Variants in TIAM2 observed in about 807,000 individuals in gnomAD.
The protein encoded by TIAM2 is rho guanine nucleotide exchange factor TIAM2.
A neutral mutation model predicts 152.9 loss-of-function variants in TIAM2; 80 were observed. The observed-to-expected ratio is 0.52, with a 90% CI of 0.44 to 0.63. The LOEUF (loss-of-function observed/expected upper bound fraction) is 0.63. Ranked by LOEUF, TIAM2 falls within the 30% of genes least tolerant of loss-of-function variation. The pLI, the probability that TIAM2 is intolerant of heterozygous loss-of-function variation, is 0.00. For missense variants in TIAM2, 1,965 were observed against 2,120.1 expected (o/e 0.93, Z 1.44); for synonymous variants, 804 against 838.0 (o/e 0.96, Z 0.70).
At chr6:155,202,031 A>G (rs935015182) in intron 14 of TIAM2, among the ~76,000 whole-genome samples, 2 of 64,010 alleles carry the variant, frequency 3.1e-5, no homozygotes, top group East Asian at 5.3e-4. Flanking sequence ...ATGAGTCATA[A>G]CAATAAAAAA....
At chr6:155,144,853 C>G (rs1387784108) in intron 6 of TIAM2, 75 bp downstream of exon 6, 1 of 1,469,100 alleles carries the variant, frequency 6.8e-7, no homozygotes, top group Non-Finnish European at 9.1e-7. Context: ...AAAGGCAAAA[C>G]TTGGAAATGA....
chr6:155,235,319 T>G (rs1688404349), intron 15 of TIAM2, among the ~76,000 whole-genome samples: 1 of 152,226 alleles, frequency 6.6e-6, no homozygotes, highest in African/African-American at 2.4e-5. Context: ...GGAAGGACAC[T>G]GAAGACTTAG....
At chr6:155,028,350 CAT>C (rs1562294245) in intron 1 of TIAM2, among the ~76,000 whole-genome samples, 3 of 122,548 alleles carry the variant, frequency 2.4e-5, no homozygotes, top group African/African-American at 1.0e-4. Flanking sequence ...TACTGTGTTA[CAT>C]ATATACTACA....
At position 155,103,313 on chromosome 6, in the gene TIAM2, A is replaced by G. The variant is rs374427100; in HGVS notation, c.-118+12934A>G. ...AAATGAAATCAGACAATGCAAAACC[A>G]TCGGAAATATCTGAGGAATGTTGGA... On this transcript the variant is annotated intron_variant, in intron 2 of 26. Transcript: ENST00000682666. 1.8e-4 allele frequency among the ~76,000 whole-genome samples: 27 copies of G among 152,336 alleles called. No homozygotes were observed. In the South Asian group the frequency reaches 4.3e-3, roughly 25 times the overall value.
intron 12 of TIAM2, among the ~76,000 whole-genome samples, chr6:155,181,046 C>T (rs996974796): frequency 2.0e-5 from 3 of 152,166 alleles, no homozygotes; most frequent in Non-Finnish European, 4.4e-5. Context: ...TGCAAAGATA[C>T]TCTCTGGTGA....
chr6:155,177,262 A>G (rs183932887), intron 10 of TIAM2, among the ~76,000 whole-genome samples: 1 of 152,348 alleles, frequency 6.6e-6, no homozygotes, highest in African/African-American at 2.4e-5. Flanking sequence ...TAGAATAATT[A>G]TGAAATCCGT....
intron 1 of TIAM2, among the ~76,000 whole-genome samples, chr6:155,007,683 A>G (rs745673244): frequency 6.6e-6 from 1 of 152,218 alleles, no homozygotes; most frequent in Non-Finnish European, 1.5e-5. Flanking sequence ...AGGGATACCA[A>G]CAGGCAGGAC....
chr6:155,029,464 A>C (rs368784228), intron 1 of TIAM2, among the ~76,000 whole-genome samples: 2,873 of 11,720 alleles, frequency 0.25, 727 homozygotes, highest in South Asian at 0.47. Flanking sequence ...ATTATATATA[A>C]TATATACTAT....
At chr6:155,010,544 C>T (rs1359857501) in intron 1 of TIAM2, among the ~76,000 whole-genome samples, 2 of 152,126 alleles carry the variant, frequency 1.3e-5, no homozygotes, top group African/African-American at 4.8e-5. Flanking sequence ...CAGCCTGTGC[C>T]TCCTGGGTTC....
intron 1 of TIAM2, among the ~76,000 whole-genome samples, chr6:155,031,442 G>T (rs1776818531): frequency 6.6e-6 from 1 of 152,154 alleles, no homozygotes; most frequent in Non-Finnish European, 1.5e-5. Context: ...AAGAGATGAG[G>T]CTGGGAGTGG....
At chr6:155,090,784 A>G (rs1778286064) in intron 2 of TIAM2, among the ~76,000 whole-genome samples, 1 of 152,140 alleles carries the variant, frequency 6.6e-6, no homozygotes. Flanking sequence ...CAGAGAGCAT[A>G]TAATTTCTAA....
At chr6:155,152,428 C>T (rs1019892433) in intron 7 of TIAM2, among the ~76,000 whole-genome samples, 4 of 152,138 alleles carry the variant, frequency 2.6e-5, no homozygotes, top group Admixed American at 6.5e-5. Context: ...GTTCAGCTCC[C>T]GAGGCAGTGC....
chr6:155,065,362 C>T (rs2114944559), intron 1 of TIAM2, among the ~76,000 whole-genome samples: 1 of 152,202 alleles, frequency 6.6e-6, no homozygotes, highest in Middle Eastern at 3.4e-3. Context: ...TTTCTTCCTG[C>T]CCCATGTGAT....
At chr6:155,254,155 G>A in intron 25 of TIAM2, 95 bp downstream of exon 25, 1 of 1,342,896 alleles carries the variant, frequency 7.4e-7, no homozygotes, top group Non-Finnish European at 1.0e-6. Context: ...GAATTTTGAT[G>A]ATATCAGGGT....
chr6:155,008,534 G>A (rs946625709), intron 1 of TIAM2, among the ~76,000 whole-genome samples: 1 of 152,034 alleles, frequency 6.6e-6, no homozygotes, highest in African/African-American at 2.4e-5. Context: ...GCCAAGTTTT[G>A]TCTCTTTGGT....
At chr6:155,110,998 C>T (rs961880669) in intron 2 of TIAM2, among the ~76,000 whole-genome samples, 6 of 152,088 alleles carry the variant, frequency 3.9e-5, no homozygotes, top group South Asian at 2.1e-4. Flanking sequence ...TTGCTAGAGT[C>T]GGATTTCTAA....
At chr6:155,039,351 T>C (rs1776978526) in intron 1 of TIAM2, among the ~76,000 whole-genome samples, 1 of 152,084 alleles carries the variant, frequency 6.6e-6, no homozygotes. Context: ...TTAGCAGTAA[T>C]CAAGCCCACT....
intron 1 of TIAM2, among the ~76,000 whole-genome samples, chr6:155,080,489 G>T (rs1778038606): frequency 6.6e-6 from 1 of 151,524 alleles, no homozygotes. Flanking sequence ...CCCCAGGCTG[G>T]AGTACAGTGG....
chr6:155,069,766 T>C (rs965976765), intron 1 of TIAM2, among the ~76,000 whole-genome samples: 8 of 152,170 alleles, frequency 5.3e-5, no homozygotes, highest in African/African-American at 1.9e-4. Flanking sequence ...AGTATGTAGC[T>C]TCCTACTCTT....
Sources: allele counts gnomAD v4.1 joint callset (sites outside exome capture counted in the v4.1 genomes callset), GRCh38; gene constraint gnomAD v4.1.1; transcripts MANE v1.5; gene names NCBI Gene and HGNC (gene_info 2026-07-23, HGNC 2026-07-21).